Variants in RPS6KB1 observed in about 807,000 individuals in gnomAD.
RPS6KB1 encodes ribosomal protein S6 kinase beta-1.
Under a neutral mutation model 70.2 loss-of-function variants are expected in RPS6KB1, and 12 were observed. The observed-to-expected ratio is 0.17, with a 90% CI of 0.11 to 0.28. The LOEUF (loss-of-function observed/expected upper bound fraction) is 0.28. Among genes scored for constraint, RPS6KB1 ranks in the 10% least tolerant of loss-of-function variants. The pLI, the probability that RPS6KB1 is intolerant of heterozygous loss-of-function variation, is 1.00. For missense variants in RPS6KB1, 270 were observed against 646.6 expected (o/e 0.42, Z 6.32); for synonymous variants, 175 against 211.2 (o/e 0.83, Z 1.49).
At chr17:59,939,145 A>G (rs950271858) in intron 12 of RPS6KB1, among the ~76,000 whole-genome samples, 4 of 152,046 alleles carry the variant, frequency 2.6e-5, no homozygotes, top group South Asian at 2.1e-4. Flanking sequence ...ATAATGAATT[A>G]GTTCCCTAGC....
chr17:59,943,508 G>A (rs2044734302), intron 13 of RPS6KB1, among the ~76,000 whole-genome samples: 1 of 152,028 alleles, frequency 6.6e-6, no homozygotes, highest in African/African-American at 2.4e-5. Context: ...TACTTAAATT[G>A]GCTAATGAAT....
Position 59,947,278 on chromosome 17 carries a change from G to C in RPS6KB1, c.*490G>C. Reference sequence around the variant, plus strand: ...AGAAACTTACCAATTGATGTTTTACGTGCAAACAACCTGAATCTTTTTTTT... The same window carrying C: ...AGAAACTTACCAATTGATGTTTTACCTGCAAACAACCTGAATCTTTTTTTT... On this transcript the variant is annotated 3_prime_UTR_variant, in exon 15 of 15. Transcript: ENST00000225577. 1 of 1,011,034 alleles carries C rather than the reference G, an allele frequency of 9.9e-7. No individual in the cohort carries two copies. The allele number at this position is 1,011,034 out of a possible 1,614,324, so 62.6% of individuals were successfully genotyped here. A position where few individuals can be genotyped will look rare whatever the true frequency, so the allele number is the denominator to read the frequency against.
chr17:59,931,809 T>G (rs1462646685), intron 7 of RPS6KB1, 87 bp downstream of exon 7: 8 of 794,038 alleles, frequency 1.0e-5, no homozygotes. Flanking sequence ...AAGCCCCAAA[T>G]TCATCTCTCT....
intron 1 of RPS6KB1, 60 bp from the exon 2 acceptor site, chr17:59,910,502 T>G: frequency 9.3e-7 from 1 of 1,075,044 alleles, no homozygotes; most frequent in African/African-American, 1.6e-5. Context: ...AGACAAAGAA[T>G]TAAACCTTTA....
At chr17:59,907,006 C>CT (rs35908905) in intron 1 of RPS6KB1, 27,798 of 144,606 alleles carry the variant, frequency 0.19, 2,732 homozygotes, top group East Asian at 0.36. Flanking sequence ...TGCATTTCTT[C>CT]TTTTTTTTTT....
intron 4 of RPS6KB1, among the ~76,000 whole-genome samples, chr17:59,924,341 CTT>C (rs1164518140): frequency 1.6e-4 from 24 of 151,430 alleles, no homozygotes; most frequent in African/African-American, 5.1e-4. Flanking sequence ...AAAAAAAAAT[CTT>C]TTTCTCCTAT....
chr17:59,893,490 G>A lies in RPS6KB1; in HGVS notation c.141+165G>A, dbSNP rs1467225682. Among the ~76,000 whole-genome samples the A allele has an allele frequency of 2.0e-5, 3 of 152,230 alleles. No individual in the cohort carries two copies. Among genetic ancestry groups the A allele is most frequent in the African/African-American group, 2.4e-5 (1 of 41,466 alleles). On this transcript the variant is annotated intron_variant, in intron 1 of 14. Coordinates refer to ENST00000225577, the MANE Select transcript of RPS6KB1 (RefSeq NM_003161.4). The surrounding 1 kb of genome is among the most constrained non-coding windows in gnomAD (Gnocchi z 4.1). Reference sequence around the variant, plus strand: ...AGCGGGCGGGGCGGTCATGGCCCTAGGTGTGAGGCCTCTGCGGGGCTCGCA... The same window carrying A: ...AGCGGGCGGGGCGGTCATGGCCCTAAGTGTGAGGCCTCTGCGGGGCTCGCA...
At position 59,932,883 on chromosome 17, in the gene RPS6KB1, G is replaced by C. The variant is rs565109987; in HGVS notation, c.688+1161G>C. ...ATCAGTTTATTCTTGCTGTTTGTTT[G>C]TAACAACAAACATAAACATCAGAGA... On this transcript the variant is annotated intron_variant, in intron 7 of 14. Transcript: ENST00000225577. 1.2e-4 allele frequency among the ~76,000 whole-genome samples: 19 copies of C among 152,158 alleles called. No homozygotes were observed. The East Asian group carries it at 2.5e-3, about 20-fold the overall frequency.
chr17:59,947,095 A>G lies in RPS6KB1; in HGVS notation c.*307A>G. On this transcript the variant is annotated 3_prime_UTR_variant, in exon 15 of 15. Coordinates refer to ENST00000225577, the MANE Select transcript of RPS6KB1 (RefSeq NM_003161.4). Reference sequence around the variant, plus strand: ...CGAAACTGACAGTATTAAGGGTAGGATGTTGCTTCTGAATCACTGTTGAGT... The same window carrying G: ...CGAAACTGACAGTATTAAGGGTAGGGTGTTGCTTCTGAATCACTGTTGAGT... The G allele has an allele frequency of 8.4e-7, 1 of 1,188,750 alleles. No homozygotes were observed. The highest frequency in any genetic ancestry group is 1.0e-6 in the Non-Finnish European group (1 of 952,666). 73.6% of individuals were successfully genotyped at this position (1,188,750 alleles called of 1,614,324 possible).
intron 1 of RPS6KB1, among the ~76,000 whole-genome samples, chr17:59,902,100 C>CTTTT (rs35721755): frequency 6.1e-5 from 5 of 81,606 alleles, no homozygotes; most frequent in South Asian, 4.3e-4. Context: ...GTGGCTTTCA[C>CTTTT]TTTTTTTTTT....
intron 1 of RPS6KB1, among the ~76,000 whole-genome samples, chr17:59,898,544 C>T (rs2041705632): frequency 6.6e-6 from 1 of 151,900 alleles, no homozygotes; most frequent in South Asian, 2.1e-4. Flanking sequence ...ACCTCTGCCT[C>T]CTGGGTTCAA....
rs1355022894 is a variant in RPS6KB1 at position 59,900,230 on chromosome 17, A to ACACACACC, written c.141+6906_141+6907insACACACCC. ...CACACACACACACACACACACACAC[A>ACACACACC]CCCCTATGTGTTTTTGTTGTGTATG... is the stretch of plus-strand genomic sequence containing the variant. On this transcript the variant is annotated intron_variant, in intron 1 of 14. Coordinates refer to ENST00000225577, the MANE Select transcript of RPS6KB1 (RefSeq NM_003161.4). Among the ~76,000 whole-genome samples the ACACACACC allele has an allele frequency of 1.4e-3, 195 of 136,794 alleles. 1 individual carries two copies. The highest frequency in any genetic ancestry group is 3.6e-3 in the South Asian group (15 of 4,138). The allele number at this position is 136,794 out of a possible 152,430, so 89.7% of individuals were successfully genotyped here. A position where few individuals can be genotyped will look rare whatever the true frequency, so the allele number is the denominator to read the frequency against.
intron 2 of RPS6KB1, chr17:59,912,218 T>C: frequency 4.7e-6 from 1 of 214,940 alleles, no homozygotes; most frequent in East Asian, 1.2e-4. Context: ...GCAGCTGTAT[T>C]GGAGTCACCC....
intron 4 of RPS6KB1, among the ~76,000 whole-genome samples, chr17:59,918,424 C>T (rs1339132312): frequency 6.6e-6 from 1 of 151,718 alleles, no homozygotes; most frequent in Admixed American, 6.6e-5. Flanking sequence ...GGTTTGAGTG[C>T]AGTGGTGCGA....
intron 1 of RPS6KB1, among the ~76,000 whole-genome samples, chr17:59,899,868 A>G (rs1254415563): frequency 6.6e-6 from 1 of 152,106 alleles, no homozygotes; most frequent in African/African-American, 2.4e-5. Flanking sequence ...TTCTATAAGA[A>G]TACTATCAGT....
chr17:59,905,737 C>T (rs1316303879), intron 1 of RPS6KB1, among the ~76,000 whole-genome samples: 2 of 152,032 alleles, frequency 1.3e-5, no homozygotes, highest in Non-Finnish European at 1.5e-5. Context: ...AACTCCTGAC[C>T]TCAGGTCATC....
At chr17:59,923,968 T>G (rs1256055042) in intron 4 of RPS6KB1, among the ~76,000 whole-genome samples, 1 of 152,238 alleles carries the variant, frequency 6.6e-6, no homozygotes, top group Non-Finnish European at 1.5e-5. Context: ...TAAGTTTGAT[T>G]TAATATTTCT....
chr17:59,901,465 A>G (rs1444569496), intron 1 of RPS6KB1, among the ~76,000 whole-genome samples: 1 of 150,858 alleles, frequency 6.6e-6, no homozygotes, highest in African/African-American at 2.4e-5. Flanking sequence ...CCATCTTAAA[A>G]AAAAAAAAAG....
intron 4 of RPS6KB1, among the ~76,000 whole-genome samples, chr17:59,922,145 A>T (rs1346001982): frequency 2.0e-5 from 3 of 150,502 alleles, no homozygotes; most frequent in Non-Finnish European, 4.4e-5. Flanking sequence ...GGTTCAAGCG[A>T]TTCTCCTGCC....
Sources: allele counts gnomAD v4.1 joint callset (sites outside exome capture counted in the v4.1 genomes callset), GRCh38; gene constraint gnomAD v4.1.1; non-coding constraint Gnocchi (gnomAD v3.1); transcripts MANE v1.5; gene names NCBI Gene and HGNC (gene_info 2026-07-23, HGNC 2026-07-21).